Variants in MBNL1 observed in about 807,000 individuals in gnomAD.
MBNL1 encodes muscleblind like splicing regulator 1, also known as muscleblind-like protein 1.
In MBNL1, 8 loss-of-function variants were observed where a neutral mutation model predicts 42.2. The observed-to-expected ratio is 0.19, with a 90% confidence interval of 0.11 to 0.34. The LOEUF (loss-of-function observed/expected upper bound fraction) is 0.34. Ranked by LOEUF, MBNL1 falls within the 10% of genes least tolerant of loss-of-function variation. The pLI is 1.00. For synonymous variants in MBNL1, 169 were observed against 173.9 expected, an observed-to-expected ratio of 0.97 and a Z score of 0.22; for missense variants, 309 against 495.3, an observed-to-expected ratio of 0.62 and a Z score of 3.57.
chr3:152,272,932 C>G (rs1032340531), intron 1 of MBNL1, among the ~76,000 whole-genome samples: 1 of 152,070 alleles, frequency 6.6e-6, no homozygotes, highest in African/African-American at 2.4e-5. Flanking sequence ...ATAAAGTATG[C>G]TTACTATTAT....
In MBNL1 at chr3:152,369,337, G is replaced by A. The variant is rs553634188; in HGVS notation, c.175-45604G>A. ...TTATTGATTTGCATATGTTGAACCAGCCTAGCACCCCAGGGATGAAGCTGA... is the reference window on the plus strand; with the variant it reads ...TTATTGATTTGCATATGTTGAACCAACCTAGCACCCCAGGGATGAAGCTGA... On this transcript the variant is annotated intron_variant, in intron 2 of 9. Coordinates refer to ENST00000324210, the MANE Select transcript of MBNL1 (RefSeq NM_021038.5). Among the ~76,000 whole-genome samples the A allele has an allele frequency of 3.3e-5, 5 of 152,302 alleles. No individual in the cohort carries two copies. The South Asian group carries it at 1.0e-3, about 32-fold the overall frequency.
At chr3:152,371,655 C>T (rs922388245) in intron 2 of MBNL1, among the ~76,000 whole-genome samples, 3 of 152,150 alleles carry the variant, frequency 2.0e-5, no homozygotes, top group Admixed American at 6.6e-5. Context: ...GTAGTGTTTC[C>T]GCAGAGAAAT....
chr3:152,283,017 C>A lies in MBNL1; in HGVS notation c.-790+13925C>A, dbSNP rs572414607. Among the ~76,000 whole-genome samples the A allele has an allele frequency of 2.0e-5, 3 of 152,240 alleles. No individual in the cohort carries two copies. The East Asian group carries it at 5.8e-4, about 29-fold the overall frequency. ...CTGAAAATATCTGCAGCTTTGGAAG[C>A]CTTGTAAGTTTCAGAAGGTCATTTT... is the stretch of plus-strand genomic sequence containing the variant. On this transcript the variant is annotated intron_variant, in intron 1 of 9. Transcript: ENST00000324210.
At chr3:152,458,527 G>A (rs1382130970) in intron 8 of MBNL1, 27 of 273,494 alleles carry the variant, frequency 9.9e-5, no homozygotes, top group Middle Eastern at 2.7e-3. Context: ...GCTAGCACCC[G>A]TGTCATCAGT....
intron 2 of MBNL1, chr3:152,338,073 T>C: frequency 1.1e-6 from 1 of 941,160 alleles, no homozygotes; most frequent in Non-Finnish European, 1.3e-6. Context: ...TAACCATAAA[T>C]GCCGTAGGCA....
chr3:152,277,667 C>T (rs1219416582), intron 1 of MBNL1, among the ~76,000 whole-genome samples: 1 of 152,088 alleles, frequency 6.6e-6, no homozygotes, highest in Non-Finnish European at 1.5e-5. Context: ...GGAATACTTA[C>T]ATGTCTTTTT....
chr3:152,305,881 G>C lies in MBNL1; in HGVS notation c.174+5514G>C, dbSNP rs935214901. ...ATCATCAAATGCACATCTACCTACA[G>C]CATCATCCCTACATTTTTGGCACAT... is the stretch of plus-strand genomic sequence containing the variant. On this transcript the variant is annotated intron_variant, in intron 2 of 9. Coordinates refer to ENST00000324210, the MANE Select transcript of MBNL1 (RefSeq NM_021038.5). Among the ~76,000 whole-genome samples, 9 of 152,246 alleles carry C rather than the reference G, an allele frequency of 5.9e-5. No individual in the cohort carries two copies. In the South Asian group the frequency reaches 6.2e-4, roughly 11 times the overall value.
At chr3:152,267,441 G>C (rs531620357), upstream of MBNL1, 2 of 152,352 alleles carry the variant, frequency 1.3e-5, no homozygotes, top group African/African-American at 4.8e-5. Flanking sequence ...TGTAGGGACT[G>C]TCTTATCCAT....
chr3:152,361,135 AC>A (rs1451931948), intron 2 of MBNL1, among the ~76,000 whole-genome samples: 1 of 152,114 alleles, frequency 6.6e-6, no homozygotes, highest in Non-Finnish European at 1.5e-5. Flanking sequence ...AAGTGTCATC[AC>A]TGATTCATCA....
chr3:152,297,265 T>TG (rs1387193206), intron 1 of MBNL1, among the ~76,000 whole-genome samples: 2 of 151,550 alleles, frequency 1.3e-5, no homozygotes, highest in South Asian at 2.1e-4. Flanking sequence ...TTTTTTTTTT[T>TG]TTTTTTTTTA....
At chr3:152,356,159 C>T (rs2095500665) in intron 2 of MBNL1, among the ~76,000 whole-genome samples, 1 of 151,838 alleles carries the variant, frequency 6.6e-6, no homozygotes. Context: ...AAAAATCTAA[C>T]TTATGCTTTA....
chr3:152,290,626 A>G (rs1013122823), intron 1 of MBNL1, among the ~76,000 whole-genome samples: 1 of 152,154 alleles, frequency 6.6e-6, no homozygotes, highest in Admixed American at 6.5e-5. Context: ...TTAAGCAGTG[A>G]ACATCATATT....
intron 2 of MBNL1, among the ~76,000 whole-genome samples, chr3:152,373,273 G>A (rs570362341): frequency 6.6e-6 from 1 of 150,424 alleles, no homozygotes; most frequent in South Asian, 2.1e-4. Context: ...TTGGCTCCCT[G>A]GCTTCAGTTC....
intron 9 of MBNL1, among the ~76,000 whole-genome samples, chr3:152,459,867 CTTT>C (rs5853586): frequency 4.9e-5 from 7 of 143,424 alleles, no homozygotes; most frequent in Admixed American, 2.1e-4. Context: ...TAGATTATCA[CTTT>C]TTTTTTTTTT....
chr3:152,287,791 T>C (rs905305040), intron 1 of MBNL1, among the ~76,000 whole-genome samples: 1 of 152,240 alleles, frequency 6.6e-6, no homozygotes, highest in Non-Finnish European at 1.5e-5. Flanking sequence ...CATATGATGC[T>C]GATGGAAACA....
chr3:152,299,663 GA>G lies in MBNL1; in HGVS notation c.-521del, dbSNP rs904600078. 2.2e-3 allele frequency: 856 copies of G among 383,914 alleles called. 7 individuals carry two copies. The highest frequency in any genetic ancestry group is 0.014 in the African/African-American group (690 of 47,652). The allele number at this position is 383,914 out of a possible 1,614,324, so 23.8% of individuals were successfully genotyped here. On this transcript the variant is annotated 5_prime_UTR_variant, in exon 2 of 10. Coordinates refer to ENST00000324210, the MANE Select transcript of MBNL1 (RefSeq NM_021038.5). ...TATCTTCTGCCAGGAAATCAAGGAG[GA>G]AAAAAAAAATCATTTTCTCGATTTT... is the stretch of plus-strand genomic sequence containing the variant.
intron 2 of MBNL1, among the ~76,000 whole-genome samples, chr3:152,371,254 T>C (rs187150044): frequency 6.6e-6 from 1 of 152,226 alleles, no homozygotes; most frequent in African/African-American, 2.4e-5. Context: ...CCTTCACTTA[T>C]GAAGCTTAGT....
intron 2 of MBNL1, among the ~76,000 whole-genome samples, chr3:152,407,546 C>G (rs896815572): frequency 6.6e-6 from 1 of 151,972 alleles, no homozygotes; most frequent in Non-Finnish European, 1.5e-5. Flanking sequence ...AGAATAGTTT[C>G]TTGCCTTTAA....
At chr3:152,330,594 A>G (rs919550081) in intron 2 of MBNL1, among the ~76,000 whole-genome samples, 1 of 152,212 alleles carries the variant, frequency 6.6e-6, no homozygotes, top group Non-Finnish European at 1.5e-5. Context: ...CACTGAATTC[A>G]TGGAAATGCA....
Sources: gnomAD v4.1 joint callset for allele counts (sites outside exome capture counted in the v4.1 genomes callset) on GRCh38, gnomAD v4.1.1 for gene constraint, MANE v1.5 for transcripts, NCBI Gene and HGNC (gene_info 2026-07-23, HGNC 2026-07-21) for gene names.